The following LYST variants were observed in gnomAD, a reference collection of about 807,000 sequenced individuals.
LYST encodes the protein lysosomal-trafficking regulator.
LYST carries 192 observed loss-of-function variants against 413.6 expected under a neutral mutation model. That is an observed-to-expected ratio of 0.46 (90% CI 0.41 to 0.52). The LOEUF (loss-of-function observed/expected upper bound fraction) is 0.52. Among genes scored for constraint, LYST ranks in the 20% least tolerant of loss-of-function variants. The pLI is 0.00. For synonymous variants in LYST, 1,525 were observed against 1,567.3 expected (o/e 0.97, Z 0.64); for missense variants, 3,815 against 4,499.9 (o/e 0.85, Z 4.35).
Position 235,809,580 on chromosome 1 carries a change from A to G in LYST, c.1238T>C (p.Ile413Thr), listed in dbSNP as rs769094053. The change falls in exon 5 of 53, where the codon ATC (isoleucine) becomes ACC (threonine). Residue 413 changes from isoleucine to threonine, a missense_variant. Transcript: ENST00000389793. This position sits in a 1 kb window ranked among gnomAD's most constrained non-coding sequence, Gnocchi z 4.0. The part of the protein sequence containing the change: ...ELLEGVLQIL[I>T]CCLQSAASNP... ...TGAAGCTGCACTTTGAAGACAACAG[A>G]TCAGAATCTGAAGAACTCCTTCCAA... is the stretch of plus-strand genomic sequence containing the variant. 2 of 1,614,116 alleles carry G rather than the reference A, an allele frequency of 1.2e-6. No homozygotes were observed. The highest frequency in any genetic ancestry group is 1.7e-5 in the Admixed American group (1 of 60,006).
intron 24 of LYST, among the ~76,000 whole-genome samples, chr1:235,756,806 G>A (rs1478133090): frequency 6.6e-6 from 1 of 152,130 alleles, no homozygotes; most frequent in Non-Finnish European, 1.5e-5. Flanking sequence ...TAATAAGTAA[G>A]ATTAGAGGGA....
chr1:235,695,837 G>A (rs1244544751), intron 46 of LYST, among the ~76,000 whole-genome samples: 7 of 151,736 alleles, frequency 4.6e-5, no homozygotes, highest in Non-Finnish European at 1.0e-4. Flanking sequence ...GGGTTTCACC[G>A]TGTTAACCAG....
In LYST at chr1:235,677,104, A is replaced by G; in HGVS notation, c.11025T>C (p.Thr3675=). ...SASETSGDIA[T]VCDSAGGGSD... ...GAGCAAGCTCACCTGAATCACACAC[A>G]GTAGCAATATCACCTGAGGTTTCAC... The change falls in exon 50 of 53, where the codon ACT becomes ACC. Residue 3675 remains threonine, a synonymous_variant. Coordinates refer to ENST00000389793, the MANE Select transcript of LYST (RefSeq NM_000081.4). 1 of 1,613,788 alleles carries G rather than the reference A, an allele frequency of 6.2e-7. No individual in the cohort carries two copies.
chr1:235,773,815 A>G (rs768031735), intron 19 of LYST, 27 bp downstream of exon 19: 4 of 1,599,664 alleles, frequency 2.5e-6, no homozygotes, highest in Non-Finnish European at 2.6e-6. Context: ...CACAATAAAA[A>G]ATGGAAAAAA....
chr1:235,733,879 C>T lies in LYST; in HGVS notation c.8563G>A (p.Gly2855Arg). 6.3e-7 allele frequency: 1 copy of T among 1,594,224 alleles called. No individual in the cohort carries two copies. The highest frequency in any genetic ancestry group is 1.1e-5 in the South Asian group (1 of 90,610). Residue 2855 changes from glycine to arginine, a missense_variant, in exon 33 of 53, where the codon GGA becomes AGA. By Grantham distance (125) the Gly-to-Arg change is moderately radical (BLOSUM62 -2). Transcript: ENST00000389793. ...TTCTGCCAAGCAGCTTTATTCACTC[C>T]TTCTTCAGTTTCATATTTCTTTTGT... ...EEQKKYETEE[G>R]VNKAAWQKTV...
intron 31 of LYST, chr1:235,738,137 C>A (rs375114961): frequency 3.2e-6 from 5 of 1,570,920 alleles, no homozygotes; most frequent in Non-Finnish European, 3.4e-6. Flanking sequence ...ACTTGGCAGG[C>A]GAACTTGCTC....
intron 16 of LYST, among the ~76,000 whole-genome samples, chr1:235,779,681 T>C (rs564892288): frequency 6.6e-6 from 1 of 152,304 alleles, no homozygotes; most frequent in South Asian, 2.1e-4. Flanking sequence ...GATAGGATCA[T>C]TCTTTGTTGT....
intron 4 of LYST, 124 bp from the exon 5 acceptor site, chr1:235,810,658 C>A: frequency 1.2e-6 from 1 of 856,810 alleles, no homozygotes; most frequent in South Asian, 1.5e-5. Flanking sequence ...TATTTTGCTG[C>A]AGGGCTGATT....
intron 40 of LYST, among the ~76,000 whole-genome samples, chr1:235,718,252 A>C (rs1437847753): frequency 1.3e-5 from 2 of 152,052 alleles, no homozygotes; most frequent in African/African-American, 2.4e-5. Context: ...ACAAAATTAC[A>C]GTTGAGCAAA....
intron 31 of LYST, chr1:235,738,613 A>G (rs1458524325): frequency 6.2e-6 from 10 of 1,608,528 alleles, no homozygotes; most frequent in Non-Finnish European, 7.6e-6. Flanking sequence ...AGTAAAGCAA[A>G]TGTTACTGGT....
intron 19 of LYST, among the ~76,000 whole-genome samples, chr1:235,773,443 A>C (rs1668913114): frequency 6.6e-6 from 1 of 152,230 alleles, no homozygotes; most frequent in South Asian, 2.1e-4. Flanking sequence ...AAATGTGATA[A>C]ATATATAGAA....
Position 235,864,669 on chromosome 1 carries a change from C to T in LYST, c.-98+2174G>A, listed in dbSNP as rs374566922. ...GCCTGGGGCCGAGCGCAGTGGCTCA[C>T]GCCTACAATCGCAGAATGTTGACAC... On this transcript the variant is annotated intron_variant, in intron 1 of 52. Transcript: ENST00000389793. Among the ~76,000 whole-genome samples the T allele has an allele frequency of 5.3e-5, 8 of 152,340 alleles. No individual in the cohort carries two copies. The South Asian group carries it at 6.2e-4, about 12-fold the overall frequency.
chr1:235,798,069 G>A (rs1002716719), intron 10 of LYST, among the ~76,000 whole-genome samples: 9 of 152,032 alleles, frequency 5.9e-5, no homozygotes, highest in Non-Finnish European at 1.2e-4. Flanking sequence ...AAAATCACAA[G>A]ATAGCACAAT....
intron 18 of LYST, 95 bp downstream of exon 18, chr1:235,774,818 A>G (rs948104112): frequency 5.8e-5 from 47 of 810,224 alleles, no homozygotes; most frequent in Non-Finnish European, 9.2e-5. Context: ...TTCTTCAGGA[A>G]TAACTGAAAT....
intron 1 of LYST, among the ~76,000 whole-genome samples, chr1:235,855,098 T>C (rs1170010688): frequency 6.6e-6 from 1 of 152,202 alleles, no homozygotes; most frequent in East Asian, 1.9e-4. Flanking sequence ...GAAATTCCCA[T>C]TAATTCCCAA....
intron 22 of LYST, among the ~76,000 whole-genome samples, chr1:235,761,456 A>G (rs934720483): frequency 6.6e-6 from 1 of 152,204 alleles, no homozygotes; most frequent in Non-Finnish European, 1.5e-5. Flanking sequence ...GTTAAGAGTC[A>G]ATTAGGAAGA....
In LYST at chr1:235,789,266, TA is replaced by T. The variant is rs139381516; in HGVS notation, c.4544-422del. ...AGAATTATCACAATATGGCATGATTTAAAAAAAAATATCATATTACAAATTT... is the reference window on the plus strand; with the variant it reads ...AGAATTATCACAATATGGCATGATTTAAAAAAAATATCATATTACAAATTT... On this transcript the variant is annotated intron_variant, in intron 12 of 52. Coordinates refer to ENST00000389793, the MANE Select transcript of LYST (RefSeq NM_000081.4). Among the ~76,000 whole-genome samples the T allele has an allele frequency of 5.3e-5, 8 of 151,644 alleles. 1 individual carries two copies. The highest frequency in any genetic ancestry group is 2.0e-4 in the Admixed American group (3 of 15,228).
At chr1:235,883,674 C>G (rs1681471733), upstream of LYST, 1 of 152,382 alleles carries the variant, frequency 6.6e-6, no homozygotes, top group East Asian at 1.9e-4. Flanking sequence ...GCTAGGAAAT[C>G]TCTGTGTCAC....
chr1:235,752,434 T>C (rs938359587), intron 26 of LYST, among the ~76,000 whole-genome samples: 3 of 152,102 alleles, frequency 2.0e-5, no homozygotes, highest in South Asian at 4.1e-4. Flanking sequence ...CAGATTACTA[T>C]AAATAGTAAA....
Sources: allele counts gnomAD v4.1 joint callset (sites outside exome capture counted in the v4.1 genomes callset), GRCh38; gene constraint gnomAD v4.1.1; non-coding constraint Gnocchi (gnomAD v3.1); transcripts MANE v1.5; gene names NCBI Gene and HGNC (gene_info 2026-07-23, HGNC 2026-07-21).